The following PAN3 variants were observed in gnomAD, a reference collection of about 807,000 sequenced individuals.
PAN3 encodes the protein poly(A) specific ribonuclease subunit PAN3.
In PAN3, 19 loss-of-function variants were observed where a neutral mutation model predicts 96.2. The ratio of observed to expected loss-of-function variants is 0.20; its 90% CI spans 0.14 to 0.29. The LOEUF (loss-of-function observed/expected upper bound fraction) is 0.29, where lower values mean the gene tolerates loss of function less well. PAN3 is among the 10% of genes least tolerant of loss of function. PAN3 has a pLI of 1.00. For synonymous variants in PAN3, 433 were observed against 406.6 expected (o/e 1.06, Z -0.78); for missense variants, 882 against 1,108.1 (o/e 0.80, Z 2.90).
At chr13:28,219,139 T>C (rs1881118181) in intron 5 of PAN3, among the ~76,000 whole-genome samples, 1 of 152,202 alleles carries the variant, frequency 6.6e-6, no homozygotes, top group Non-Finnish European at 1.5e-5. Context: ...TGGAAATTTT[T>C]TAAAAACACA....
At chr13:28,156,763 C>T (rs995733895) in intron 1 of PAN3, among the ~76,000 whole-genome samples, 7 of 152,152 alleles carry the variant, frequency 4.6e-5, no homozygotes, top group Non-Finnish European at 5.9e-5. Context: ...GTAGCCAAGG[C>T]AGGTAGATGG....
intron 4 of PAN3, among the ~76,000 whole-genome samples, chr13:28,196,766 C>T (rs371198104): frequency 1.3e-5 from 2 of 151,934 alleles, no homozygotes; most frequent in Admixed American, 6.5e-5. Context: ...TGTAGTTTGG[C>T]GAACTTTATA....
chr13:28,159,102 T>G (rs1184851367), intron 1 of PAN3, among the ~76,000 whole-genome samples: 1 of 152,210 alleles, frequency 6.6e-6, no homozygotes, highest in Non-Finnish European at 1.5e-5. Flanking sequence ...ATTTCATTTT[T>G]AGGTGTATAC....
chr13:28,213,439 A>G (rs1272703411), intron 5 of PAN3, among the ~76,000 whole-genome samples: 4 of 152,134 alleles, frequency 2.6e-5, no homozygotes, highest in African/African-American at 9.7e-5. Context: ...AAAATACAGG[A>G]AGGAAAAAAA....
intron 1 of PAN3, among the ~76,000 whole-genome samples, chr13:28,158,060 T>C (rs986590550): frequency 6.6e-6 from 1 of 152,222 alleles, no homozygotes; most frequent in Admixed American, 6.5e-5. Context: ...TACAACCATC[T>C]GATCTTCCAC....
intron 1 of PAN3, among the ~76,000 whole-genome samples, chr13:28,140,642 A>G (rs1330545994): frequency 6.6e-6 from 1 of 152,180 alleles, no homozygotes; most frequent in Non-Finnish European, 1.5e-5. Context: ...TGGGCCTCCC[A>G]AAGTGCTGGG....
rs1439065478 is a variant in PAN3 at position 28,277,252 on chromosome 13, T to G, written c.2065T>G (p.Ser689Ala). 1 of 1,610,664 alleles carries G rather than the reference T, an allele frequency of 6.2e-7. No individual in the cohort carries two copies. The highest frequency in any genetic ancestry group is 8.5e-7 in the Non-Finnish European group (1 of 1,178,914). Residue 689 changes from serine (S) to alanine (A), a missense_variant, in exon 15 of 19, where the codon TCA (serine) becomes GCA (alanine). Around this residue, in one of 3 missense-constraint regions of PAN3, gnomAD observed 364 missense variants for 513.6 expected, o/e 0.71. Coordinates refer to ENST00000380958, the MANE Select transcript of PAN3 (RefSeq NM_175854.8). ...TTCATGTCAGCAAGCAGATCTGATA[T>G]CATTAGGAAAAGTTGTGTTGGCTTT... ...MAQYQQADLI[S>A]LGKVVLALAC...
chr13:28,245,115 G>A (rs563145676), intron 6 of PAN3, among the ~76,000 whole-genome samples: 12 of 152,212 alleles, frequency 7.9e-5, no homozygotes, highest in East Asian at 3.9e-4. Context: ...CCAAAGCGCC[G>A]GGATTATAGG....
chr13:28,140,687 T>TTC (rs1555266934), intron 1 of PAN3, among the ~76,000 whole-genome samples: 82 of 134,918 alleles, frequency 6.1e-4, no homozygotes, highest in Non-Finnish European at 4.6e-4. Flanking sequence ...GGGCCAAGTG[T>TTC]TGTTCTGTTC....
chr13:28,287,093 A>G (rs903893982), intron 17 of PAN3, among the ~76,000 whole-genome samples: 3 of 151,998 alleles, frequency 2.0e-5, no homozygotes, highest in Admixed American at 1.3e-4. Context: ...ATTCAGACAC[A>G]TGACCTTCCT....
chr13:28,217,587 CA>C (rs773189003), intron 5 of PAN3, among the ~76,000 whole-genome samples: 7 of 108,180 alleles, frequency 6.5e-5, no homozygotes, highest in African/African-American at 1.7e-4. Flanking sequence ...TCTCAAAAAA[CA>C]AAAAAAAAAC....
chr13:28,286,247 A>AACC (rs1868959130), intron 17 of PAN3, among the ~76,000 whole-genome samples: 1 of 152,146 alleles, frequency 6.6e-6, no homozygotes, highest in African/African-American at 2.4e-5. Flanking sequence ...AGGGTTTGGG[A>AACC]ACCACACAGA....
chr13:28,181,165 G>A (rs771452724), intron 4 of PAN3, among the ~76,000 whole-genome samples: 13 of 152,078 alleles, frequency 8.5e-5, no homozygotes, highest in African/African-American at 1.7e-4. Flanking sequence ...TAAGAAATAC[G>A]GCTGAGGCCC....
chr13:28,177,616 T>C (rs1593416064), intron 3 of PAN3, among the ~76,000 whole-genome samples: 2 of 152,150 alleles, frequency 1.3e-5, no homozygotes, highest in Admixed American at 6.6e-5. Context: ...TTTTCTCTTA[T>C]TTGATTTTTC....
intron 6 of PAN3, among the ~76,000 whole-genome samples, chr13:28,231,824 C>G (rs1424659606): frequency 6.6e-6 from 1 of 152,124 alleles, no homozygotes; most frequent in Non-Finnish European, 1.5e-5. Context: ...ATTGATTGAG[C>G]TCAGGAGTTC....
chr13:28,266,243 C>G (rs796948340), intron 9 of PAN3, among the ~76,000 whole-genome samples: 3 of 152,236 alleles, frequency 2.0e-5, no homozygotes, highest in African/African-American at 7.2e-5. Context: ...ATCTTCCGTT[C>G]ACTTAAAATA....
At chr13:28,283,520 T>C (rs1221875628) in intron 17 of PAN3, among the ~76,000 whole-genome samples, 1 of 152,206 alleles carries the variant, frequency 6.6e-6, no homozygotes, top group Non-Finnish European at 1.5e-5. Flanking sequence ...TTCTGTATTA[T>C]TCCAGAGTTA....
At chr13:28,257,710 AT>A (rs1217177385) in intron 7 of PAN3, among the ~76,000 whole-genome samples, 1 of 139,942 alleles carries the variant, frequency 7.1e-6, no homozygotes, top group African/African-American at 2.6e-5. Flanking sequence ...TATATATATT[AT>A]ATATAATTAA....
intron 4 of PAN3, among the ~76,000 whole-genome samples, chr13:28,194,098 A>C (rs547251348): frequency 6.6e-6 from 1 of 151,722 alleles, no homozygotes; most frequent in Non-Finnish European, 1.5e-5. Context: ...CGGAGGTTGC[A>C]GTGAGCTGAG....
Sources: gnomAD v4.1 joint callset for allele counts (sites outside exome capture counted in the v4.1 genomes callset) on GRCh38, gnomAD v4.1.1 for gene constraint, gnomAD v4.1.1 regional missense constraint, MANE v1.5 for transcripts, NCBI Gene and HGNC (gene_info 2026-07-23, HGNC 2026-07-21) for gene names.